Variants in TENM3 observed in about 807,000 individuals in gnomAD.
The protein encoded by TENM3 is teneurin transmembrane protein 3, also known as teneurin-3.
In TENM3, 63 loss-of-function variants were observed where a neutral mutation model predicts 255.1. That is an observed-to-expected ratio of 0.25 (90% CI 0.20 to 0.30). TENM3 has a LOEUF of 0.30. TENM3 is among the 10% of genes least tolerant of loss of function. The pLI is 1.00. For missense variants in TENM3, 2,929 were observed against 3,461.1 expected, an observed-to-expected ratio of 0.85 and a Z score of 3.86; for synonymous variants, 1,306 against 1,322.3, an observed-to-expected ratio of 0.99 and a Z score of 0.27.
the TENM3 span, among the ~76,000 whole-genome samples, chr4:181,627,390 G>A: frequency 2.6e-5 from 4 of 152,170 alleles, no homozygotes; most frequent in South Asian, 4.2e-4. Context: ...CAATGTGCAG[G>A]TTTGTTACAT....
the TENM3 span, among the ~76,000 whole-genome samples, chr4:181,666,805 G>A: frequency 2.6e-5 from 4 of 152,140 alleles, no homozygotes; most frequent in African/African-American, 7.2e-5. Context: ...TTACTGTTTT[G>A]CAATACTCTA....
Position 182,755,697 on chromosome 4 carries a change from G to A in TENM3, c.4892+438G>A, listed in dbSNP as rs866492024. ...TACTAAAAATACAAAAAAAATAGCC[G>A]GGCGTGGTGGCGGGCGCCTGTAGTC... On this transcript the variant is annotated intron_variant, in intron 22 of 27. Transcript: ENST00000511685. Among the ~76,000 whole-genome samples, 91 of 152,200 alleles carry A rather than the reference G, an allele frequency of 6.0e-4. 1 individual carries two copies. The highest frequency in any genetic ancestry group is 6.8e-3 in the Middle Eastern group (2 of 294).
chr4:181,556,816 T>A, the TENM3 span, among the ~76,000 whole-genome samples: 2 of 152,316 alleles, frequency 1.3e-5, no homozygotes, highest in African/African-American at 4.8e-5. Context: ...AAATTTTGCA[T>A]TGTCTTCATT....
Position 182,294,107 on chromosome 4 carries a change from G to C in TENM3, c.-75-29839G>C, listed in dbSNP as rs913498705. Among the ~76,000 whole-genome samples, 3 of 151,990 alleles carry C rather than the reference G, an allele frequency of 2.0e-5. No individual in the cohort carries two copies. The East Asian group carries it at 5.8e-4, about 29-fold the overall frequency. ...AGCATCACAGATCCCTACCATCTGC[G>C]TCTCTGCCTTTGACAATTGGCTGAG... On this transcript the variant is annotated intron_variant, in intron 1 of 27. Transcript: ENST00000511685.
intron 3 of TENM3, among the ~76,000 whole-genome samples, chr4:182,393,824 C>T (rs1470457592): frequency 6.6e-6 from 1 of 152,084 alleles, no homozygotes; most frequent in Non-Finnish European, 1.5e-5. Flanking sequence ...ATAATGATAC[C>T]TCTAATATGC....
chr4:181,799,234 G>A, the TENM3 span, among the ~76,000 whole-genome samples: 4 of 152,248 alleles, frequency 2.6e-5, no homozygotes, highest in Non-Finnish European at 5.9e-5. Flanking sequence ...TAAAGCGAGT[G>A]ATAGCCTGCT....
chr4:181,649,667 G>A, the TENM3 span, among the ~76,000 whole-genome samples: 8 of 152,178 alleles, frequency 5.3e-5, no homozygotes, highest in African/African-American at 7.2e-5. Flanking sequence ...AAGAGAATCC[G>A]TGATTTGTTT....
the TENM3 span, among the ~76,000 whole-genome samples, chr4:181,762,546 A>G: frequency 6.6e-6 from 1 of 152,140 alleles, no homozygotes; most frequent in South Asian, 2.1e-4. Context: ...CAAGCAGGTC[A>G]ACTTCATTTT....
the TENM3 span, among the ~76,000 whole-genome samples, chr4:181,527,658 G>A: frequency 2.8e-5 from 4 of 145,390 alleles, no homozygotes; most frequent in Non-Finnish European, 4.5e-5. Flanking sequence ...AAGGATAATA[G>A]AATGAAAATT....
intron 1 of TENM3, among the ~76,000 whole-genome samples, chr4:182,181,352 ATCT>A (rs1174585268): frequency 1.3e-5 from 2 of 152,124 alleles, no homozygotes; most frequent in Non-Finnish European, 2.9e-5. Context: ...CGGTCCCCAA[ATCT>A]TCTGCTGAAA....
At position 182,755,069 on chromosome 4, in the gene TENM3, C is replaced by T. The variant is rs1722029419; in HGVS notation, c.4702C>T (p.Arg1568Trp). The T allele has an allele frequency of 3.7e-6, 6 of 1,613,848 alleles. No individual in the cohort carries two copies. Among genetic ancestry groups the T allele is most frequent in the South Asian group, 2.2e-5 (2 of 91,074 alleles). Residue 1568 changes from arginine (R) to tryptophan (W), a missense_variant, in exon 22 of 28, where the codon CGG becomes TGG. Transcript: ENST00000511685. ...DSNGNTLRIR[R>W]DPNRMPVRVV... Reference sequence around the variant, plus strand: ...CAATGGCAACACCCTTAGAATTAGACGGGACCCAAATCGCATGCCAGTTCG... The same window carrying T: ...CAATGGCAACACCCTTAGAATTAGATGGGACCCAAATCGCATGCCAGTTCG...
the TENM3 span, among the ~76,000 whole-genome samples, chr4:181,486,158 G>A: frequency 6.6e-6 from 1 of 151,950 alleles, no homozygotes; most frequent in African/African-American, 2.4e-5. Flanking sequence ...TTCAGACCTC[G>A]CTGCCCCAAC....
chr4:181,577,110 A>T, the TENM3 span, among the ~76,000 whole-genome samples: 1 of 134,420 alleles, frequency 7.4e-6, no homozygotes, highest in East Asian at 2.0e-4. Flanking sequence ...TTATTATTAT[A>T]TAATAATAAA....
chr4:181,623,206 G>A, the TENM3 span, among the ~76,000 whole-genome samples: 14 of 152,274 alleles, frequency 9.2e-5, no homozygotes, highest in African/African-American at 2.4e-4. Context: ...CAAGCCGTGC[G>A]ACATTAGATA....
the TENM3 span, among the ~76,000 whole-genome samples, chr4:181,717,490 A>C: frequency 6.6e-6 from 1 of 152,268 alleles, no homozygotes; most frequent in East Asian, 1.9e-4. Flanking sequence ...TAGACTCTTA[A>C]AGTTTCTGTG....
At chr4:181,780,198 TG>T in the TENM3 span, among the ~76,000 whole-genome samples, 15 of 152,244 alleles carry the variant, frequency 9.9e-5, no homozygotes, top group African/African-American at 3.6e-4. Context: ...TCTAGATCCT[TG>T]AGAAATTGTC....
chr4:182,350,584 G>A (rs775988038), intron 3 of TENM3, among the ~76,000 whole-genome samples: 17 of 152,190 alleles, frequency 1.1e-4, no homozygotes, highest in Non-Finnish European at 2.4e-4. Context: ...TGGGTGAAAG[G>A]TTATAAAATC....
At chr4:182,452,336 C>A (rs568700184) in intron 3 of TENM3, among the ~76,000 whole-genome samples, 1 of 32,200 alleles carries the variant, frequency 3.1e-5, no homozygotes, top group East Asian at 1.1e-3. Flanking sequence ...TGGCAGGGGA[C>A]GGGGGGCGGG....
the TENM3 span, among the ~76,000 whole-genome samples, chr4:181,658,393 AG>A: frequency 2.6e-5 from 4 of 152,162 alleles, no homozygotes; most frequent in Non-Finnish European, 5.9e-5. Context: ...GGGTTGAGGA[AG>A]CACAGAGAAA....
Sources: allele counts gnomAD v4.1 joint callset (sites outside exome capture counted in the v4.1 genomes callset), GRCh38; gene constraint gnomAD v4.1.1; transcripts MANE v1.5; gene names NCBI Gene and HGNC (gene_info 2026-07-23, HGNC 2026-07-21).